CDH18: variants seen among roughly 807,000 people sequenced by gnomAD.
CDH18 encodes the protein cadherin 18, also known as cadherin-18.
In CDH18, 31 loss-of-function variants were observed where a neutral mutation model predicts 67.9. The ratio of observed to expected loss-of-function variants is 0.46; its 90% CI spans 0.34 to 0.62. The LOEUF is 0.62. Ranked by LOEUF, CDH18 falls within the 20% of genes least tolerant of loss-of-function variation. The pLI, the probability that CDH18 is intolerant of heterozygous loss-of-function variation, is 0.01. For missense variants in CDH18, 890 were observed against 975.5 expected (o/e 0.91, Z 1.17); for synonymous variants, 362 against 347.2 (o/e 1.04, Z -0.48).
chr5:20,180,968 T>G (rs1282033754), intron 2 of CDH18, among the ~76,000 whole-genome samples: 1 of 152,170 alleles, frequency 6.6e-6, no homozygotes, highest in East Asian at 1.9e-4. Context: ...CTCTCTTCTG[T>G]TTCCTTCACT....
chr5:19,542,766 T>G (rs1176221287), intron 9 of CDH18, among the ~76,000 whole-genome samples: 1 of 151,876 alleles, frequency 6.6e-6, no homozygotes, highest in Non-Finnish European at 1.5e-5. Flanking sequence ...TGAAAGAGTG[T>G]GGGGGATTAT....
intron 2 of CDH18, among the ~76,000 whole-genome samples, chr5:19,970,451 A>G (rs1797916633): frequency 1.3e-5 from 2 of 151,532 alleles, no homozygotes; most frequent in African/African-American, 4.8e-5. Context: ...TTTTGCAGGA[A>G]TATTTTTCAT....
chr5:20,037,719 T>C (rs1259786586), intron 2 of CDH18, among the ~76,000 whole-genome samples: 1 of 152,046 alleles, frequency 6.6e-6, no homozygotes, highest in East Asian at 1.9e-4. Flanking sequence ...TAGATGGAAA[T>C]TTATAGCACC....
chr5:19,560,220 A>C (rs957681889), intron 8 of CDH18, among the ~76,000 whole-genome samples: 9 of 152,146 alleles, frequency 5.9e-5, no homozygotes, highest in Non-Finnish European at 1.0e-4. Context: ...GACTAAGCAA[A>C]AAGAACAAAT....
chr5:20,074,543 T>C (rs574308133), intron 2 of CDH18, among the ~76,000 whole-genome samples: 27 of 152,158 alleles, frequency 1.8e-4, no homozygotes, highest in Non-Finnish European at 3.2e-4. Context: ...GCCTTTAAAA[T>C]AGATTTTCAA....
In CDH18 at chr5:20,230,736, T is replaced by C. The variant is rs114457759; in HGVS notation, c.-518+24708A>G. ...AAGTTTATTCAATTTAATAAAATGA[T>C]TTTTTGTTATTCTAGGTCTTCTAGA... On this transcript the variant is annotated intron_variant, in intron 2 of 14. Coordinates refer to the CDH18 transcript ENST00000507958. Among the ~76,000 whole-genome samples the C allele has an allele frequency of 3.1e-3, 468 of 152,268 alleles. 1 individual carries two copies. The highest frequency in any genetic ancestry group is 0.011 in the African/African-American group (443 of 41,564).
intron 2 of CDH18, among the ~76,000 whole-genome samples, chr5:19,959,906 G>A (rs1284573585): frequency 6.6e-6 from 1 of 151,856 alleles, no homozygotes; most frequent in African/African-American, 2.4e-5. Context: ...GTAATACAAC[G>A]GTAAATATTT....
At chr5:20,159,495 T>C (rs997623538) in intron 2 of CDH18, among the ~76,000 whole-genome samples, 1 of 152,178 alleles carries the variant, frequency 6.6e-6, no homozygotes, top group Non-Finnish European at 1.5e-5. Flanking sequence ...TTAGAAAATA[T>C]AATTTAGCCA....
chr5:19,586,608 T>C (rs545790965), intron 7 of CDH18, among the ~76,000 whole-genome samples: 23 of 152,210 alleles, frequency 1.5e-4, no homozygotes, highest in Non-Finnish European at 2.9e-4. Flanking sequence ...TAGTCTATCA[T>C]TGATGAACAT....
intron 12 of CDH18, among the ~76,000 whole-genome samples, chr5:19,478,991 G>A (rs1030195843): frequency 2.0e-5 from 3 of 152,108 alleles, no homozygotes; most frequent in African/African-American, 7.2e-5. Flanking sequence ...AGCCTCTTTG[G>A]TTGACAAGCA....
At chr5:20,543,120 A>G (rs1757145627) in intron 1 of CDH18, among the ~76,000 whole-genome samples, 1 of 152,086 alleles carries the variant, frequency 6.6e-6, no homozygotes, top group South Asian at 2.1e-4. Flanking sequence ...ATTGCAAAAA[A>G]TATGGTACAA....
At chr5:20,483,564 A>G (rs889023312) in intron 1 of CDH18, among the ~76,000 whole-genome samples, 3 of 151,934 alleles carry the variant, frequency 2.0e-5, no homozygotes, top group African/African-American at 7.2e-5. Flanking sequence ...CTGGCATTAA[A>G]AGAAAAGACA....
At chr5:19,753,615 G>A (rs1771142136) in intron 3 of CDH18, among the ~76,000 whole-genome samples, 1 of 152,210 alleles carries the variant, frequency 6.6e-6, no homozygotes, top group Admixed American at 6.5e-5. Flanking sequence ...GGAAAAAATT[G>A]AGGAAATATT....
At chr5:19,876,548 A>G (rs1463758635) in intron 2 of CDH18, among the ~76,000 whole-genome samples, 1 of 151,834 alleles carries the variant, frequency 6.6e-6, no homozygotes, top group Non-Finnish European at 1.5e-5. Context: ...CCCAGGAGGG[A>G]ATTTTTGTTG....
At chr5:20,504,760 A>ATTTTTTT (rs70954666) in intron 1 of CDH18, among the ~76,000 whole-genome samples, 1 of 67,990 alleles carries the variant, frequency 1.5e-5, no homozygotes, top group African/African-American at 5.4e-5. Flanking sequence ...ACAAAAGGGA[A>ATTTTTTT]TTTTTTTTTT....
At chr5:19,786,796 GTTC>G (rs1161275403) in intron 3 of CDH18, among the ~76,000 whole-genome samples, 1 of 151,938 alleles carries the variant, frequency 6.6e-6, no homozygotes, top group Non-Finnish European at 1.5e-5. Flanking sequence ...CCATTCTTTA[GTTC>G]TTCTAATTTA....
intron 5 of CDH18, among the ~76,000 whole-genome samples, chr5:19,645,179 T>C (rs1267853528): frequency 6.6e-6 from 1 of 152,218 alleles, no homozygotes; most frequent in Non-Finnish European, 1.5e-5. Context: ...ATGGGTTTTA[T>C]GAAGACAAAA....
intron 9 of CDH18, among the ~76,000 whole-genome samples, chr5:19,530,581 C>G (rs1748439829): frequency 6.6e-6 from 1 of 152,122 alleles, no homozygotes; most frequent in Non-Finnish European, 1.5e-5. Flanking sequence ...TATCCCTCCC[C>G]CTTCCCCCTA....
rs137972591 is a variant in CDH18, at chr5:20,461,054, A to G, written c.-580+114408T>C. ...GCCTCAGAAATGCTAGTCTTCCTGA[A>G]GGATACAGGTATCAATAGGCCCAGC... On this transcript the variant is annotated intron_variant, in intron 1 of 14. Coordinates refer to the CDH18 transcript ENST00000507958. Among the ~76,000 whole-genome samples, 807 of 152,306 alleles carry G rather than the reference A, an allele frequency of 5.3e-3. 2 individuals carry two copies. The highest frequency in any genetic ancestry group is 7.7e-3 in the Non-Finnish European group (526 of 68,030).
Sources: gnomAD v4.1 joint callset for allele counts (sites outside exome capture counted in the v4.1 genomes callset) on GRCh38, gnomAD v4.1.1 for gene constraint, MANE v1.5 for transcripts, NCBI Gene and HGNC (gene_info 2026-07-23, HGNC 2026-07-21) for gene names.